MAP10: variants seen among roughly 807,000 people sequenced by gnomAD.
MAP10 encodes the protein microtubule associated protein 10, also known as microtubule-associated protein 10.
In MAP10, 10 loss-of-function variants were observed where a neutral mutation model predicts 6.3. The ratio of observed to expected loss-of-function variants is 1.58; its 90% CI spans 0.98 to 2.69. The LOEUF is 2.69. MAP10 is among the 30% of genes most tolerant of loss of function. MAP10 has a pLI of 0.00. For synonymous variants in MAP10, 459 were observed against 429.3 expected, an observed-to-expected ratio of 1.07 and a Z score of -0.86; for missense variants, 1,189 against 1,086.5, an observed-to-expected ratio of 1.09 and a Z score of -1.33.
chr1:232,806,215 T>C lies in MAP10; in HGVS notation c.766T>C (p.Cys256Arg). Reference sequence around the variant, plus strand: ...GGAAATGGTTAAAAGTAAGGCCGAATGTGATAATGTGGGTTCTGTGGAGAA... The same window carrying C: ...GGAAATGGTTAAAAGTAAGGCCGAACGTGATAATGTGGGTTCTGTGGAGAA... ...LKEMVKSKAECDNVGSVENGK... is the reference protein window; with the variant it reads ...LKEMVKSKAERDNVGSVENGK... The change falls in exon 1 of 1, where the codon TGT becomes CGT. Residue 256 changes from cysteine (C) to arginine (R), a missense_variant. Transcript: ENST00000418460. 1 of 1,614,012 alleles carries C rather than the reference T, an allele frequency of 6.2e-7. No homozygotes were observed. Among genetic ancestry groups the C allele is most frequent in the Non-Finnish European group, 8.5e-7 (1 of 1,179,894 alleles).
In MAP10 at chr1:232,808,124, T is replaced by C; in HGVS notation, c.2675T>C (p.Ile892Thr). 6.3e-7 allele frequency: 1 copy of C among 1,583,340 alleles called. No individual in the cohort carries two copies. The highest frequency in any genetic ancestry group is 1.7e-5 in the Admixed American group (1 of 57,550). Residue 892 changes from isoleucine to threonine, a missense_variant, in exon 1 of 1, where the codon ATT becomes ACT. Transcript: ENST00000418460. The stretch of plus-strand genomic sequence containing the variant: ...AATATTTCCAAGCAATGCAAAGATA[T>C]TTGTGAATTAGTAATAAATAAACTT... ...SLNISKQCKD[I>T]CELVINKLPG...
chr1:232,806,496 G>C lies in MAP10; in HGVS notation c.1047G>C (p.Arg349Ser). The change falls in exon 1 of 1, where the codon AGG becomes AGC. Residue 349 changes from arginine to serine, a missense_variant. Coordinates refer to ENST00000418460, the MANE Select transcript of MAP10 (RefSeq NM_019090.3). ...AGCGTGTAAATCCCCCAGCACACAGGAGTTGTCTAAAGCATCCAAGTTCTG... is the reference window on the plus strand; with the variant it reads ...AGCGTGTAAATCCCCCAGCACACAGCAGTTGTCTAAAGCATCCAAGTTCTG... ...EKKRVNPPAHRSCLKHPSSAA... is the reference protein window; with the variant it reads ...EKKRVNPPAHSSCLKHPSSAA... 1 of 1,613,898 alleles carries C rather than the reference G, an allele frequency of 6.2e-7. No individual in the cohort carries two copies. The highest frequency in any genetic ancestry group is 8.5e-7 in the Non-Finnish European group (1 of 1,179,884).
In MAP10 at chr1:232,806,427, A is replaced by G. The variant is rs757397578; in HGVS notation, c.978A>G (p.Gln326=). The G allele has an allele frequency of 5.0e-6, 8 of 1,613,916 alleles. No homozygotes were observed. In the South Asian group the frequency reaches 7.7e-5, roughly 16 times the overall value. The change falls in exon 1 of 1, where the codon CAA becomes CAG. Residue 326 remains glutamine, a synonymous_variant. Coordinates refer to ENST00000418460, the MANE Select transcript of MAP10 (RefSeq NM_019090.3). The part of the protein sequence containing the change: ...PAQAKITIEP[Q]MNAPEEMDDA... Reference sequence around the variant, plus strand: ...AGGCTAAAATCACCATTGAGCCTCAAATGAATGCACCTGAGGAAATGGATG... The same window carrying G: ...AGGCTAAAATCACCATTGAGCCTCAGATGAATGCACCTGAGGAAATGGATG...
At position 232,807,512 on chromosome 1, in the gene MAP10, A is replaced by G; in HGVS notation, c.2063A>G (p.Lys688Arg). 1 of 1,613,826 alleles carries G rather than the reference A, an allele frequency of 6.2e-7. No homozygotes were observed. The highest frequency in any genetic ancestry group is 8.5e-7 in the Non-Finnish European group (1 of 1,179,810). The change falls in exon 1 of 1, where the codon AAA (lysine) becomes AGA (arginine). Residue 688 changes from lysine (K) to arginine (R), a missense_variant. Coordinates refer to ENST00000418460, the MANE Select transcript of MAP10 (RefSeq NM_019090.3). The stretch of plus-strand genomic sequence containing the variant: ...GATATAAGTGACAAGAGAACAGGTA[A>G]AAATAGTTGCTATGAAAACATCTCA... ...MADISDKRTG[K>R]NSCYENISEL...
the MAP10 span, chr1:232,805,579 C>T: frequency 1.9e-6 from 3 of 1,556,342 alleles, no homozygotes; most frequent in Non-Finnish European, 8.7e-7. Context: ...GGAAAAGGAG[C>T]AGGGGGAGGC....
In MAP10 at chr1:232,806,337, C is replaced by T. The variant is rs774075737; in HGVS notation, c.888C>T (p.Thr296=). 6.2e-7 allele frequency: 1 copy of T among 1,613,838 alleles called. No homozygotes were observed. Among genetic ancestry groups the T allele is most frequent in the Admixed American group, 1.7e-5 (1 of 60,014 alleles). ...NEEVTELDME[T]NIFCPPPLYY... Reference sequence around the variant, plus strand: ...AAGTCACAGAATTGGACATGGAGACCAATATATTTTGCCCTCCTCCTTTGT... The same window carrying T: ...AAGTCACAGAATTGGACATGGAGACTAATATATTTTGCCCTCCTCCTTTGT... Residue 296 remains threonine, a synonymous_variant, in exon 1 of 1, where the codon ACC becomes ACT. Coordinates refer to ENST00000418460, the MANE Select transcript of MAP10 (RefSeq NM_019090.3).
chr1:232,807,256 G>A lies in MAP10; in HGVS notation c.1807G>A (p.Val603Ile), dbSNP rs1666123046. The change falls in exon 1 of 1, where the codon GTT becomes ATT. Residue 603 changes from valine (V) to isoleucine (I), a missense_variant. By Grantham distance (29) the Val-to-Ile change is conservative (BLOSUM62 3). Coordinates refer to ENST00000418460, the MANE Select transcript of MAP10 (RefSeq NM_019090.3). Reference protein sequence around the residue: ...KLKYATEKKTVDCSKNRINNV... With the variant: ...KLKYATEKKTIDCSKNRINNV... ...GAAATATGCAACTGAAAAAAAGACA[G>A]TTGATTGTAGTAAAAATAGAATCAA... 1 of 1,613,144 alleles carries A rather than the reference G, an allele frequency of 6.2e-7. No homozygotes were observed. Among genetic ancestry groups the A allele is most frequent in the South Asian group, 1.1e-5 (1 of 90,844 alleles).
At position 232,805,814 on chromosome 1, in the gene MAP10, C is replaced by T. The variant is rs3766498; in HGVS notation, c.365C>T (p.Pro122Leu). Residue 122 changes from proline to leucine, a missense_variant, in exon 1 of 1, where the codon CCT becomes CTT. Physicochemically the swap from Pro to Leu is moderately conservative, Grantham distance 98. Coordinates refer to ENST00000418460, the MANE Select transcript of MAP10 (RefSeq NM_019090.3). The part of the protein sequence containing the change: ...PLATLLLQLP[P>L]GRPTPTPQLL... ...GCCACCTTGCTGCTGCAGCTGCCCCCTGGGCGCCCGACGCCCACCCCACAG... is the reference window on the plus strand; with the variant it reads ...GCCACCTTGCTGCTGCAGCTGCCCCTTGGGCGCCCGACGCCCACCCCACAG... 10 of 1,593,638 alleles carry T rather than the reference C, an allele frequency of 6.3e-6. No homozygotes were observed. The highest frequency in any genetic ancestry group is 2.3e-5 in the East Asian group (1 of 44,384).
chr1:232,807,588 C>T lies in MAP10; in HGVS notation c.2139C>T (p.Phe713=). 1.2e-6 allele frequency: 2 copies of T among 1,610,598 alleles called. No homozygotes were observed. The highest frequency in any genetic ancestry group is 1.3e-5 in the African/African-American group (1 of 74,992). ...CTAGCCCTTGCTATTCTGAAGATTT[C>T]TGTACCAGTGAGGACACCAGCAGAA... ...DLSSPCYSED[F]CTSEDTSRSF... Residue 713 remains phenylalanine (F), a synonymous_variant, in exon 1 of 1, where the codon TTC becomes TTT. Coordinates refer to ENST00000418460, the MANE Select transcript of MAP10 (RefSeq NM_019090.3).
Position 232,807,745 on chromosome 1 carries a change from T to G in MAP10, c.2296T>G (p.Phe766Val), listed in dbSNP as rs1360517530. ...CAGGAGTTCTATCCTTAGCCCACCT[T>G]TTTCAGCCGGGTCACCTGTACACTC... ...SDRSSILSPP[F>V]SAGSPVHSYR... The change falls in exon 1 of 1, where the codon TTT becomes GTT. Residue 766 changes from phenylalanine to valine, a missense_variant. Physicochemically the swap from Phe to Val is conservative, Grantham distance 50. Transcript: ENST00000418460. 8 of 1,613,520 alleles carry G rather than the reference T, an allele frequency of 5.0e-6. No homozygotes were observed. Among genetic ancestry groups the G allele is most frequent in the Non-Finnish European group, 6.8e-6 (8 of 1,179,796 alleles).
Position 232,809,092 on chromosome 1 carries a change from T to C in MAP10, c.*925T>C, listed in dbSNP as rs1029395246. Among the ~76,000 whole-genome samples the C allele has an allele frequency of 2.0e-5, 3 of 152,142 alleles. No homozygotes were observed. The highest frequency in any genetic ancestry group is 7.2e-5 in the African/African-American group (3 of 41,468). On this transcript the variant is annotated 3_prime_UTR_variant, in exon 1 of 1. Coordinates refer to ENST00000418460, the MANE Select transcript of MAP10 (RefSeq NM_019090.3). Reference sequence around the variant, plus strand: ...GGTATCTTTTATACAGTTTCTGATATAGGAGTTCAGTTTCTTGTCATTTCA... The same window carrying C: ...GGTATCTTTTATACAGTTTCTGATACAGGAGTTCAGTTTCTTGTCATTTCA...
Position 232,809,398 on chromosome 1 carries a change from AAGAG to A in MAP10, c.*1235_*1238del, listed in dbSNP as rs764049613. 1.2e-4 allele frequency among the ~76,000 whole-genome samples: 18 copies of A among 152,188 alleles called. No individual in the cohort carries two copies. The highest frequency in any genetic ancestry group is 2.2e-4 in the Non-Finnish European group (15 of 67,912). On this transcript the variant is annotated 3_prime_UTR_variant, in exon 1 of 1. Transcript: ENST00000418460. ...TACTAGAATATAGATAGATGGTAAA[AAGAG>A]AGAAGAGGATGTTACATTTTGGGGA...
In MAP10 at chr1:232,805,877, C is replaced by T. The variant is rs1272293939; in HGVS notation, c.428C>T (p.Ala143Val). The T allele has an allele frequency of 3.1e-6, 5 of 1,594,952 alleles. No homozygotes were observed. Among genetic ancestry groups the T allele is most frequent in the Non-Finnish European group, 4.3e-6 (5 of 1,170,294 alleles). ...TGCGACATTTCGCTGGCCACCGCAG[C>T]GCACAGGGTCGTGGGGCCGGCCGCC... ...GACDISLATA[A>V]HRVVGPAASG... Residue 143 changes from alanine to valine, a missense_variant, in exon 1 of 1, where the codon GCG becomes GTG. Physicochemically the swap from Ala to Val is moderately conservative, Grantham distance 64. Transcript: ENST00000418460.
rs747934683 is a variant in MAP10 at position 232,808,953 on chromosome 1, T to C, written c.*786T>C. ...GCAAAAATAAGCAGATTCCCTAAAA[T>C]AAACCTGCAGAAAATCCTTATTGGA... On this transcript the variant is annotated 3_prime_UTR_variant, in exon 1 of 1. Coordinates refer to ENST00000418460, the MANE Select transcript of MAP10 (RefSeq NM_019090.3). Among the ~76,000 whole-genome samples, 3 of 152,096 alleles carry C rather than the reference T, an allele frequency of 2.0e-5. No homozygotes were observed. The highest frequency in any genetic ancestry group is 2.9e-5 in the Non-Finnish European group (2 of 67,934).
rs1666146370 is a variant in MAP10, at chr1:232,808,525, T to C, written c.*358T>C. 1 of 175,554 alleles carries C rather than the reference T, an allele frequency of 5.7e-6. No individual in the cohort carries two copies. Among genetic ancestry groups the C allele is most frequent in the Non-Finnish European group, 1.4e-5 (1 of 74,052 alleles). 10.9% of individuals were successfully genotyped at this position (175,554 alleles called of 1,614,324 possible). ...AGCCTCAAATTTTAATTGGAACAAA[T>C]TATTTAACAAATATAGAAGACTTAC... On this transcript the variant is annotated 3_prime_UTR_variant, in exon 1 of 1. Transcript: ENST00000418460.
At position 232,805,594 on chromosome 1, in the gene MAP10, T is replaced by A. The variant is rs1400834143; in HGVS notation, c.145T>A (p.Ser49Thr). The change falls in exon 1 of 1, where the codon TCG becomes ACG. Residue 49 changes from serine to threonine, a missense_variant. Coordinates refer to ENST00000418460, the MANE Select transcript of MAP10 (RefSeq NM_019090.3). ...GGAAAAGGAGCAGGGGGAGGCCTCG[T>A]CGCCGCGCGGTCTGTGCCCCGCCGT... ...EEEKEQGEASSPRGLCPAVAF... is the reference protein window; with the variant it reads ...EEEKEQGEASTPRGLCPAVAF... The A allele has an allele frequency of 1.3e-6, 2 of 1,556,960 alleles. No homozygotes were observed. The highest frequency in any genetic ancestry group is 8.7e-7 in the Non-Finnish European group (1 of 1,152,922).
At position 232,806,422 on chromosome 1, in the gene MAP10, C is replaced by T; in HGVS notation, c.973C>T (p.Pro325Ser). Reference protein sequence around the residue: ...PPAQAKITIEPQMNAPEEMDD... With the variant: ...PPAQAKITIESQMNAPEEMDD... ...TGCACAGGCTAAAATCACCATTGAG[C>T]CTCAAATGAATGCACCTGAGGAAAT... The change falls in exon 1 of 1, where the codon CCT becomes TCT. Residue 325 changes from proline to serine, a missense_variant. Transcript: ENST00000418460. 6.2e-7 allele frequency: 1 copy of T among 1,613,864 alleles called. No individual in the cohort carries two copies.
rs561347202 is a variant in MAP10, at chr1:232,807,453, G to C, written c.2004G>C (p.Gln668His). ...RIVDKEIDIR[Q>H]VKTTDNDILM... is the part of the protein sequence containing the mutation. ...TAGATAAGGAAATAGATATTAGACA[G>C]GTCAAAACCACAGATAATGACATTC... The change falls in exon 1 of 1, where the codon CAG (glutamine) becomes CAC (histidine). Residue 668 changes from glutamine to histidine, a missense_variant. By Grantham distance (24) the Gln-to-His change is conservative (BLOSUM62 0). Coordinates refer to ENST00000418460, the MANE Select transcript of MAP10 (RefSeq NM_019090.3). 5.6e-6 allele frequency: 9 copies of C among 1,613,702 alleles called. No homozygotes were observed. In the Admixed American group the frequency reaches 1.0e-4, roughly 18 times the overall value.
rs375664699 is a variant in MAP10, at chr1:232,806,843, A to G, written c.1394A>G (p.Tyr465Cys). The change falls in exon 1 of 1, where the codon TAT (tyrosine) becomes TGT (cysteine). Residue 465 changes from tyrosine (Y) to cysteine (C), a missense_variant. Tyr to Cys is a radical substitution (Grantham distance 194, BLOSUM62 -2). Coordinates refer to ENST00000418460, the MANE Select transcript of MAP10 (RefSeq NM_019090.3). ...TGTGAAAAGTCAGTGAGTCTTCAGT[A>G]TAAAAAGAACCAAATTGAAAACTAT... ...GGCEKSVSLQYKKNQIENYKE... is the reference protein window; with the variant it reads ...GGCEKSVSLQCKKNQIENYKE... 5 of 1,612,972 alleles carry G rather than the reference A, an allele frequency of 3.1e-6. No individual in the cohort carries two copies. Among genetic ancestry groups the G allele is most frequent in the Admixed American group, 1.7e-5 (1 of 59,848 alleles).
Sources: gnomAD v4.1 joint callset for allele counts (sites outside exome capture counted in the v4.1 genomes callset) on GRCh38, gnomAD v4.1.1 for gene constraint, MANE v1.5 for transcripts, NCBI Gene and HGNC (gene_info 2026-07-23, HGNC 2026-07-21) for gene names.